Variants in HDAC4 observed in about 807,000 individuals in gnomAD.
HDAC4 encodes the protein histone deacetylase A.
Under a neutral mutation model 135.1 loss-of-function variants are expected in HDAC4, and 16 were observed. The ratio of observed to expected loss-of-function variants is 0.12; its 90% CI spans 0.08 to 0.18. The LOEUF (loss-of-function observed/expected upper bound fraction) is 0.18, where lower values mean the gene tolerates loss of function less well. HDAC4 is among the 10% of genes least tolerant of loss of function. The probability of loss-of-function intolerance (pLI) is 1.00; values close to 1 mark genes in which losing one functional copy is unlikely to be tolerated. For synonymous variants in HDAC4, 685 were observed against 653.4 expected, an observed-to-expected ratio of 1.05 and a Z score of -0.74; for missense variants, 1,143 against 1,511.8, an observed-to-expected ratio of 0.76 and a Z score of 4.05.
chr2:239,395,587 A>C (rs143280873), intron 1 of HDAC4, among the ~76,000 whole-genome samples: 9 of 152,212 alleles, frequency 5.9e-5, no homozygotes, highest in African/African-American at 2.2e-4. Flanking sequence ...AATCTCTACA[A>C]TACCACCATG....
At chr2:239,084,717 C>T (rs1367219838) in intron 19 of HDAC4, among the ~76,000 whole-genome samples, 2 of 129,210 alleles carry the variant, frequency 1.5e-5, no homozygotes, top group African/African-American at 5.4e-5. Flanking sequence ...ACACGCCCTA[C>T]ACACATACAT....
At chr2:239,094,208 C>T in intron 17 of HDAC4, 1 of 985,458 alleles carries the variant, frequency 1.0e-6, no homozygotes, top group Non-Finnish European at 1.2e-6. Context: ...CTCGGACGCT[C>T]CGCCTCAGCT....
intron 2 of HDAC4, among the ~76,000 whole-genome samples, chr2:239,263,890 C>T (rs904411447): frequency 6.6e-6 from 1 of 152,210 alleles, no homozygotes; most frequent in Non-Finnish European, 1.5e-5. Context: ...TCTGCCCCTT[C>T]TCTGCAGAGG....
Position 239,352,792 on chromosome 2 carries a change from C to T in HDAC4, c.-93G>A. On this transcript the variant is annotated 5_prime_UTR_variant, in exon 2 of 27. It adds an upstream start codon to the 5' untranslated region. Coordinates refer to ENST00000543185, the MANE Select transcript of HDAC4 (RefSeq NM_001378414.1). This position sits in a 1 kb window ranked among gnomAD's most constrained non-coding sequence, Gnocchi z 4.4. ...AACGAGCTCCAAACTCCCACCAACA[C>T]ATACAAGTACCGGGACGGTGAGGGC... is the stretch of plus-strand genomic sequence containing the variant. 8.1e-7 allele frequency: 1 copy of T among 1,238,934 alleles called. No homozygotes were observed. The highest frequency in any genetic ancestry group is 1.2e-6 in the Non-Finnish European group (1 of 862,388). 76.7% of individuals were successfully genotyped at this position (1,238,934 alleles called of 1,614,324 possible).
intron 2 of HDAC4, among the ~76,000 whole-genome samples, chr2:239,238,115 A>G (rs1010151977): frequency 6.6e-6 from 1 of 152,184 alleles, no homozygotes; most frequent in Admixed American, 6.5e-5. Context: ...AATTGTAAAC[A>G]TGATGCCATG....
In HDAC4 at chr2:239,299,225, T is replaced by C. The variant is rs2052099906; in HGVS notation, c.22+53453A>G. Among the ~76,000 whole-genome samples the C allele has an allele frequency of 6.6e-6, 1 of 152,190 alleles. No homozygotes were observed. Among genetic ancestry groups the C allele is most frequent in the Non-Finnish European group, 1.5e-5 (1 of 68,038 alleles). ...TGGAACTGGGGGCAGCCTGCCACCA[T>C]GAATATCCTCTCAATGTCAACACAT... On this transcript the variant is annotated intron_variant, in intron 2 of 26. Transcript: ENST00000543185. This position sits in a 1 kb window ranked among gnomAD's most constrained non-coding sequence, Gnocchi z 4.0.
At chr2:239,226,495 C>T (rs563582828) in intron 3 of HDAC4, among the ~76,000 whole-genome samples, 4 of 152,248 alleles carry the variant, frequency 2.6e-5, no homozygotes, top group Admixed American at 6.5e-5. Flanking sequence ...GATGTGTGGA[C>T]GGTTTTAGAA....
intron 11 of HDAC4, among the ~76,000 whole-genome samples, chr2:239,132,481 C>T (rs892766505): frequency 7.2e-5 from 11 of 152,148 alleles, no homozygotes; most frequent in African/African-American, 2.2e-4. Flanking sequence ...TGGGCACAGG[C>T]GTAAAGCAAG....
rs2048298570 is a variant in HDAC4 at position 239,243,347 on chromosome 2, T to A, written c.23-6683A>T. Among the ~76,000 whole-genome samples the A allele has an allele frequency of 2.6e-5, 4 of 152,120 alleles. No individual in the cohort carries two copies. The South Asian group carries it at 8.3e-4, about 32-fold the overall frequency. Reference sequence around the variant, plus strand: ...TTTTGTATTTTTAGTAGAGACGGGGTTTCACCATGTTAGCCAGGATGGTCT... The same window carrying A: ...TTTTGTATTTTTAGTAGAGACGGGGATTCACCATGTTAGCCAGGATGGTCT... On this transcript the variant is annotated intron_variant, in intron 2 of 26. Transcript: ENST00000543185.
chr2:239,321,498 C>A (rs2053312085), intron 2 of HDAC4, among the ~76,000 whole-genome samples: 2 of 142,762 alleles, frequency 1.4e-5, no homozygotes, highest in South Asian at 2.2e-4. Context: ...AAAAGGTTAG[C>A]TTACATTTTT....
intron 2 of HDAC4, among the ~76,000 whole-genome samples, chr2:239,329,232 C>G (rs1691391462): frequency 6.6e-6 from 1 of 152,170 alleles, no homozygotes; most frequent in African/African-American, 2.4e-5. Flanking sequence ...GGGGACCCCA[C>G]CAGCTGTGCA....
intron 1 of HDAC4, among the ~76,000 whole-genome samples, chr2:239,373,178 A>G (rs568307053): frequency 6.6e-6 from 1 of 152,284 alleles, no homozygotes; most frequent in South Asian, 2.1e-4. Flanking sequence ...AACGACCTCT[A>G]AAGAGGCTGC....
At chr2:239,235,462 T>G (rs979987480) in intron 3 of HDAC4, among the ~76,000 whole-genome samples, 1 of 152,192 alleles carries the variant, frequency 6.6e-6, no homozygotes, top group Non-Finnish European at 1.5e-5. Flanking sequence ...TCAAGGAAGG[T>G]GCAGCAGAGC....
At chr2:239,211,816 C>G (rs1306714525) in intron 3 of HDAC4, among the ~76,000 whole-genome samples, 1 of 152,190 alleles carries the variant, frequency 6.6e-6, no homozygotes, top group African/African-American at 2.4e-5. Flanking sequence ...ACTGATCATG[C>G]CTTTGCTTTC....
chr2:239,172,076 C>G (rs1199555529), intron 5 of HDAC4, among the ~76,000 whole-genome samples: 1 of 151,892 alleles, frequency 6.6e-6, no homozygotes, highest in East Asian at 1.9e-4. Flanking sequence ...AAAATAATAA[C>G]AACAATGTCT....
chr2:239,248,676 G>C (rs571956733), intron 2 of HDAC4, among the ~76,000 whole-genome samples: 1 of 152,314 alleles, frequency 6.6e-6, no homozygotes, highest in South Asian at 2.1e-4. Flanking sequence ...TTCATTCACA[G>C]AAGTAGTACT....
At chr2:239,069,731 C>T (rs2033959994) in intron 22 of HDAC4, among the ~76,000 whole-genome samples, 1 of 136,060 alleles carries the variant, frequency 7.3e-6, no homozygotes, top group South Asian at 2.6e-4. Context: ...AGCCCCACTG[C>T]ACTTGCTTGG....
At chr2:239,063,153 A>G (rs1305187470) in intron 24 of HDAC4, among the ~76,000 whole-genome samples, 2 of 151,076 alleles carry the variant, frequency 1.3e-5, no homozygotes, top group Non-Finnish European at 2.9e-5. Context: ...GGGTCATGGA[A>G]CCGTTCCCAT....
chr2:239,110,622 C>A (rs1400690217), intron 14 of HDAC4, among the ~76,000 whole-genome samples: 1 of 152,224 alleles, frequency 6.6e-6, no homozygotes, highest in Non-Finnish European at 1.5e-5. Context: ...GTGAGAACCT[C>A]GCAGACTGCA....
Sources: gnomAD v4.1 joint callset for allele counts (sites outside exome capture counted in the v4.1 genomes callset) on GRCh38, gnomAD v4.1.1 for gene constraint, Gnocchi (gnomAD v3.1) non-coding constraint, MANE v1.5 for transcripts, NCBI Gene and HGNC (gene_info 2026-07-23, HGNC 2026-07-21) for gene names.